Variants in NDUFAF2 observed in about 807,000 individuals in gnomAD.
The protein encoded by NDUFAF2 is NADH:ubiquinone oxidoreductase complex assembly factor 2, also known as NADH dehydrogenase [ubiquinone] 1 alpha subcomplex assembly factor 2.
A neutral mutation model predicts 22.8 loss-of-function variants in NDUFAF2; 13 were observed. The ratio of observed to expected loss-of-function variants is 0.57; its 90% CI spans 0.37 to 0.91. NDUFAF2 has a LOEUF of 0.91. NDUFAF2 is among the 40% of genes least tolerant of loss of function. NDUFAF2 has a pLI of 0.01. For synonymous variants in NDUFAF2, 53 were observed against 64.2 expected, an observed-to-expected ratio of 0.83 and a Z score of 0.84; for missense variants, 162 against 195.2, an observed-to-expected ratio of 0.83 and a Z score of 1.01.
At chr5:61,013,702 CT>C (rs10628072) in intron 1 of NDUFAF2, among the ~76,000 whole-genome samples, 97 of 145,278 alleles carry the variant, frequency 6.7e-4, no homozygotes, top group Non-Finnish European at 7.7e-4. Context: ...ACTTTATCTC[CT>C]TTTTTTTTTT....
At chr5:61,019,156 T>G (rs158566) in intron 1 of NDUFAF2, among the ~76,000 whole-genome samples, 20,909 of 152,062 alleles carry the variant, frequency 0.14, 1,803 homozygotes, top group South Asian at 0.28. Context: ...TAATTTTTAG[T>G]GCTGCTTCTG....
intron 1 of NDUFAF2, among the ~76,000 whole-genome samples, chr5:60,992,718 G>A (rs2112586059): frequency 6.6e-6 from 1 of 152,152 alleles, no homozygotes; most frequent in Admixed American, 6.5e-5. Flanking sequence ...CTCTGGTATT[G>A]ATGAAACCCC....
At chr5:60,956,979 A>C (rs1284403919) in intron 1 of NDUFAF2, among the ~76,000 whole-genome samples, 4 of 152,070 alleles carry the variant, frequency 2.6e-5, no homozygotes, top group African/African-American at 9.7e-5. Flanking sequence ...AAACCGGATC[A>C]AAAGAGGTAT....
chr5:61,069,127 T>C (rs527735251), intron 1 of NDUFAF2, among the ~76,000 whole-genome samples: 1,750 of 91,776 alleles, frequency 0.019, 31 homozygotes, highest in African/African-American at 0.071. Context: ...ATGTTAGTGC[T>C]TTTTTTTTTT....
At chr5:60,994,350 G>T (rs1490790486) in intron 1 of NDUFAF2, among the ~76,000 whole-genome samples, 1 of 152,176 alleles carries the variant, frequency 6.6e-6, no homozygotes, top group Non-Finnish European at 1.5e-5. Context: ...GCTCCTGCCT[G>T]CTCCAGGAGT....
At chr5:60,994,644 T>G (rs1457283454) in intron 1 of NDUFAF2, among the ~76,000 whole-genome samples, 2 of 152,240 alleles carry the variant, frequency 1.3e-5, no homozygotes, top group East Asian at 3.8e-4. Flanking sequence ...CTTTGCAAGT[T>G]TTATTATTAA....
At chr5:61,084,385 G>A (rs1752480485) in intron 2 of NDUFAF2, among the ~76,000 whole-genome samples, 1 of 145,310 alleles carries the variant, frequency 6.9e-6, no homozygotes, top group Non-Finnish European at 1.6e-5. Context: ...TACATTCACT[G>A]TTTGCAACTA....
chr5:61,035,620 A>G (rs555097672), intron 1 of NDUFAF2, among the ~76,000 whole-genome samples: 2 of 151,758 alleles, frequency 1.3e-5, no homozygotes, highest in African/African-American at 4.8e-5. Context: ...CTTCCCCACT[A>G]CACCAAAAAG....
intron 1 of NDUFAF2, among the ~76,000 whole-genome samples, chr5:61,041,959 C>T (rs1196105707): frequency 6.6e-6 from 1 of 152,182 alleles, no homozygotes; most frequent in Non-Finnish European, 1.5e-5. Context: ...GTTTTCCTGA[C>T]ATATCATGTG....
At chr5:60,957,162 G>T (rs1034930987) in intron 1 of NDUFAF2, among the ~76,000 whole-genome samples, 1 of 151,856 alleles carries the variant, frequency 6.6e-6, no homozygotes, top group Non-Finnish European at 1.5e-5. Context: ...TTTAATTATT[G>T]AATTAAAATA....
At chr5:61,052,403 C>T (rs1007065022) in intron 1 of NDUFAF2, among the ~76,000 whole-genome samples, 18 of 152,236 alleles carry the variant, frequency 1.2e-4, no homozygotes, top group Admixed American at 3.9e-4. Context: ...CTCCGCCTCC[C>T]GGGTTCTCGC....
intron 1 of NDUFAF2, among the ~76,000 whole-genome samples, chr5:61,045,798 G>T (rs1165017502): frequency 6.6e-6 from 1 of 152,084 alleles, no homozygotes; most frequent in East Asian, 1.9e-4. Flanking sequence ...TTCTGATTTG[G>T]ATGCCTTTTA....
chr5:60,985,276 C>T (rs1319613198), intron 1 of NDUFAF2, among the ~76,000 whole-genome samples: 1 of 152,018 alleles, frequency 6.6e-6, no homozygotes, highest in East Asian at 1.9e-4. Flanking sequence ...CTGTTTTATT[C>T]TTCTTTGTTT....
At chr5:61,081,077 A>T (rs888586328) in intron 2 of NDUFAF2, among the ~76,000 whole-genome samples, 12 of 152,250 alleles carry the variant, frequency 7.9e-5, no homozygotes, top group Non-Finnish European at 1.5e-4. Flanking sequence ...CCGTTTTTTT[A>T]AATGACCACT....
intron 1 of NDUFAF2, among the ~76,000 whole-genome samples, chr5:61,010,748 ACATATTGC>A (rs1751433102): frequency 6.6e-6 from 1 of 152,184 alleles, no homozygotes; most frequent in Non-Finnish European, 1.5e-5. Flanking sequence ...TTTTAGCTGG[ACATATTGC>A]CATATAGCAA....
chr5:61,055,722 A>C (rs1318748351), intron 1 of NDUFAF2, among the ~76,000 whole-genome samples: 3 of 152,166 alleles, frequency 2.0e-5, no homozygotes. Context: ...GGCAGAAATA[A>C]AAAAGGGAGG....
chr5:61,081,804 G>C (rs1244575281), intron 2 of NDUFAF2, among the ~76,000 whole-genome samples: 2 of 152,152 alleles, frequency 1.3e-5, no homozygotes, highest in African/African-American at 4.8e-5. Context: ...TCATTTATTT[G>C]TTCTTCCTGT....
At chr5:61,062,782 C>T (rs1046968785) in intron 1 of NDUFAF2, among the ~76,000 whole-genome samples, 8 of 151,966 alleles carry the variant, frequency 5.3e-5, no homozygotes, top group East Asian at 3.9e-4. Context: ...AAAGTCAAAA[C>T]CAGAATTGTA....
At chr5:60,992,260 T>C (rs1299413785) in intron 1 of NDUFAF2, among the ~76,000 whole-genome samples, 1 of 152,220 alleles carries the variant, frequency 6.6e-6, no homozygotes, top group Non-Finnish European at 1.5e-5. Context: ...CTCTTCTCTT[T>C]GTTGAGTGTA....
Sources: gnomAD v4.1 joint callset for allele counts (sites outside exome capture counted in the v4.1 genomes callset) on GRCh38, gnomAD v4.1.1 for gene constraint, MANE v1.5 for transcripts, NCBI Gene and HGNC (gene_info 2026-07-23, HGNC 2026-07-21) for gene names.